The following CTNNA3 variants were observed in gnomAD, a reference collection of about 807,000 sequenced individuals.
CTNNA3 encodes the protein catenin alpha 3.
Under a neutral mutation model 95.7 loss-of-function variants are expected in CTNNA3, and 76 were observed. The ratio of observed to expected loss-of-function variants is 0.79; its 90% CI spans 0.66 to 0.96. The LOEUF is 0.96. CTNNA3 is among the 40% of genes least tolerant of loss of function. CTNNA3 has a pLI of 0.00. For missense variants in CTNNA3, 1,191 were observed against 1,089.8 expected (o/e 1.09, Z -1.31); for synonymous variants, 431 against 374.4 (o/e 1.15, Z -1.74).
At chr10:67,603,692 TGTTTTAATCTAA>T (rs1486509252) in intron 3 of CTNNA3, among the ~76,000 whole-genome samples, 8 of 152,120 alleles carry the variant, frequency 5.3e-5, no homozygotes, top group Non-Finnish European at 1.0e-4. Context: ...CTGTACAATG[TGTTTTAATCTAA>T]GTATTACTAC....
chr10:66,537,002 C>A (rs1435699724), intron 10 of CTNNA3, among the ~76,000 whole-genome samples: 1 of 151,070 alleles, frequency 6.6e-6, no homozygotes, highest in Non-Finnish European at 1.5e-5. Context: ...ATAAAAAGTC[C>A]GAGGTTAAAT....
At chr10:66,618,633 T>G (rs1455968745) in intron 10 of CTNNA3, among the ~76,000 whole-genome samples, 3 of 152,094 alleles carry the variant, frequency 2.0e-5, no homozygotes, top group Admixed American at 6.5e-5. Flanking sequence ...GCAATACTAT[T>G]CAGGACATAG....
chr10:66,366,126 T>C (rs1323343826), intron 12 of CTNNA3, among the ~76,000 whole-genome samples: 1 of 152,126 alleles, frequency 6.6e-6, no homozygotes. Context: ...ATAATGTCTG[T>C]TGCAGTTCTC....
At chr10:67,737,986 G>T (rs541666641) in intron 1 of CTNNA3, among the ~76,000 whole-genome samples, 1 of 152,352 alleles carries the variant, frequency 6.6e-6, no homozygotes, top group South Asian at 2.1e-4. Flanking sequence ...CTGGGACAGA[G>T]CTTCCAGAAG....
intron 5 of CTNNA3, among the ~76,000 whole-genome samples, chr10:67,466,248 C>T (rs1217407965): frequency 6.6e-6 from 1 of 152,014 alleles, no homozygotes; most frequent in Non-Finnish European, 1.5e-5. Context: ...TGCCCAGATT[C>T]TTTTTTAAAA....
intron 11 of CTNNA3, among the ~76,000 whole-genome samples, chr10:66,449,160 A>T (rs182242195): frequency 1.4e-4 from 21 of 152,286 alleles, no homozygotes; most frequent in African/African-American, 4.1e-4. Flanking sequence ...TGAGGAAAAA[A>T]TGCCGAGCAA....
intron 13 of CTNNA3, among the ~76,000 whole-genome samples, chr10:66,220,638 C>T (rs928129700): frequency 2.6e-5 from 4 of 152,260 alleles, no homozygotes; most frequent in East Asian, 1.9e-4. Flanking sequence ...GAATTGAAGA[C>T]GGTAAATGTG....
intron 7 of CTNNA3, among the ~76,000 whole-genome samples, chr10:67,034,492 C>T (rs1853923016): frequency 6.6e-6 from 1 of 152,184 alleles, no homozygotes; most frequent in South Asian, 2.1e-4. Flanking sequence ...GTGTCTTAGG[C>T]TCTCCCTTTC....
At chr10:67,498,848 G>A (rs537165604) in intron 5 of CTNNA3, among the ~76,000 whole-genome samples, 20 of 152,228 alleles carry the variant, frequency 1.3e-4, no homozygotes, top group Non-Finnish European at 2.4e-4. Context: ...AGACAATGGG[G>A]TTTTCTAAAT....
intron 5 of CTNNA3, among the ~76,000 whole-genome samples, chr10:67,353,645 C>A (rs2132650828): frequency 6.6e-6 from 1 of 151,876 alleles, no homozygotes; most frequent in East Asian, 1.9e-4. Flanking sequence ...TTCTTAGGTG[C>A]CAAAAATGAA....
chr10:66,597,536 ATATATATATATATATATATT>A (rs1377829802), intron 10 of CTNNA3, among the ~76,000 whole-genome samples: 24 of 129,880 alleles, frequency 1.8e-4, no homozygotes, highest in Admixed American at 1.7e-3. Context: ...ATATATATAT[ATATATATATATATATATATT>A]TATTAAAAAT....
chr10:66,448,112 C>A (rs941045782), intron 11 of CTNNA3, among the ~76,000 whole-genome samples: 4 of 152,054 alleles, frequency 2.6e-5, no homozygotes, highest in South Asian at 2.1e-4. Flanking sequence ...AAATGCAAAT[C>A]AAAACCACAA....
rs1840084092 is a variant in CTNNA3, at chr10:67,658,322, C to A, written c.-5-10804G>T. On this transcript the variant is annotated intron_variant, in intron 1 of 17. Coordinates refer to ENST00000433211, the MANE Select transcript of CTNNA3 (RefSeq NM_013266.4). Reference sequence around the variant, plus strand: ...TAAAATCCATTAACTTAGCCAATATCTCTGACACCTGGCAGGGGCTCAACA... The same window carrying A: ...TAAAATCCATTAACTTAGCCAATATATCTGACACCTGGCAGGGGCTCAACA... Among the ~76,000 whole-genome samples, 4 of 152,180 alleles carry A rather than the reference C, an allele frequency of 2.6e-5. No homozygotes were observed. In the South Asian group the frequency reaches 8.3e-4, roughly 31 times the overall value.
intron 7 of CTNNA3, among the ~76,000 whole-genome samples, chr10:66,891,642 A>G (rs1845273542): frequency 2.0e-5 from 3 of 152,062 alleles, no homozygotes. Flanking sequence ...ATTTCAGAGA[A>G]AGTTCTCACT....
At chr10:67,413,747 T>C (rs78356388) in intron 5 of CTNNA3, among the ~76,000 whole-genome samples, 2,281 of 152,208 alleles carry the variant, frequency 0.015, 35 homozygotes, top group African/African-American at 0.04. Context: ...CAAACCACAG[T>C]GTAATAAAAC....
chr10:66,097,471 T>G (rs1340601058), intron 14 of CTNNA3, among the ~76,000 whole-genome samples: 1 of 152,122 alleles, frequency 6.6e-6, no homozygotes, highest in Non-Finnish European at 1.5e-5. Flanking sequence ...AAATAGATAT[T>G]ATTATTATCA....
intron 7 of CTNNA3, among the ~76,000 whole-genome samples, chr10:66,793,728 C>A (rs557560943): frequency 6.6e-6 from 1 of 151,984 alleles, no homozygotes; most frequent in Admixed American, 6.6e-5. Flanking sequence ...TATTTTTAAA[C>A]ATTTTATTGT....
At chr10:67,335,803 C>T (rs1414929293) in intron 5 of CTNNA3, among the ~76,000 whole-genome samples, 2 of 151,992 alleles carry the variant, frequency 1.3e-5, no homozygotes, top group African/African-American at 2.4e-5. Flanking sequence ...AACCTATCGA[C>T]AACGTTGAGA....
chr10:66,733,202 T>C (rs1323852883), intron 9 of CTNNA3, among the ~76,000 whole-genome samples: 3 of 152,202 alleles, frequency 2.0e-5, no homozygotes, highest in Admixed American at 6.6e-5. Context: ...TCTTCTTTCT[T>C]TGCCAAAGCA....
Sources: gnomAD v4.1 joint callset for allele counts (sites outside exome capture counted in the v4.1 genomes callset) on GRCh38, gnomAD v4.1.1 for gene constraint, MANE v1.5 for transcripts, NCBI Gene and HGNC (gene_info 2026-07-23, HGNC 2026-07-21) for gene names.